CEP89: variants seen among roughly 807,000 people sequenced by gnomAD.
CEP89 encodes the protein centrosomal protein 89.
CEP89 carries 95 observed loss-of-function variants against 97.6 expected under a neutral mutation model. The ratio of observed to expected loss-of-function variants is 0.97; its 90% CI spans 0.82 to 1.15. The LOEUF (loss-of-function observed/expected upper bound fraction) is 1.15, where lower values mean the gene tolerates loss of function less well. CEP89 is among the 50% of genes most tolerant of loss of function. The probability of loss-of-function intolerance (pLI) is 0.00; values close to 1 mark genes in which losing one functional copy is unlikely to be tolerated. For missense variants in CEP89, 869 were observed against 947.7 expected (o/e 0.92, Z 1.09); for synonymous variants, 354 against 349.1 (o/e 1.01, Z -0.16).
At chr19:32,921,178 C>T (rs567126593) in intron 12 of CEP89, among the ~76,000 whole-genome samples, 56 of 150,746 alleles carry the variant, frequency 3.7e-4, no homozygotes, top group Non-Finnish European at 5.5e-4. Context: ...GTCGAGATCG[C>T]GCCACTGCAC....
chr19:32,941,922 A>T (rs1349273559), intron 5 of CEP89, among the ~76,000 whole-genome samples: 1 of 152,216 alleles, frequency 6.6e-6, no homozygotes, highest in Non-Finnish European at 1.5e-5. Context: ...AATAAGAAAA[A>T]ATATATATTT....
intron 16 of CEP89, among the ~76,000 whole-genome samples, chr19:32,888,287 T>A (rs528052477): frequency 6.6e-6 from 1 of 152,304 alleles, no homozygotes; most frequent in South Asian, 2.1e-4. Context: ...TGAAAGGCAA[T>A]ACATCCAGCA....
chr19:32,943,877 G>T (rs1970739447), intron 5 of CEP89, among the ~76,000 whole-genome samples: 1 of 152,008 alleles, frequency 6.6e-6, no homozygotes, highest in South Asian at 2.1e-4. Context: ...GGTGTGAAGG[G>T]ACGCATGTGG....
At chr19:32,903,060 AGC>A in intron 14 of CEP89, among the ~76,000 whole-genome samples, 1 of 152,192 alleles carries the variant, frequency 6.6e-6, no homozygotes, top group East Asian at 1.9e-4. Context: ...AATCCAGCTT[AGC>A]CACATGCGGT....
At chr19:32,942,849 C>CT (rs757161677) in intron 5 of CEP89, among the ~76,000 whole-genome samples, 5,173 of 136,322 alleles carry the variant, frequency 0.038, 465 homozygotes, top group African/African-American at 0.12. Flanking sequence ...CTATTCCAGT[C>CT]TTTTTTTTTT....
chr19:32,938,897 C>T (rs1201288889), intron 6 of CEP89, among the ~76,000 whole-genome samples: 1 of 152,104 alleles, frequency 6.6e-6, no homozygotes, highest in Non-Finnish European at 1.5e-5. Flanking sequence ...TTGCAGTGAG[C>T]CGAGACTGCG....
intron 6 of CEP89, among the ~76,000 whole-genome samples, chr19:32,938,737 G>A (rs1970627121): frequency 1.3e-5 from 2 of 152,094 alleles, no homozygotes; most frequent in Non-Finnish European, 2.9e-5. Flanking sequence ...ATCGCCTGAG[G>A]TCAGGAGTCT....
At chr19:32,910,091 T>A (rs1421446974) in intron 14 of CEP89, among the ~76,000 whole-genome samples, 1 of 152,114 alleles carries the variant, frequency 6.6e-6, no homozygotes, top group African/African-American at 2.4e-5. Flanking sequence ...TGAAACCCCG[T>A]CTCTACTAAA....
In CEP89 at chr19:32,939,991, A is replaced by G. The variant is rs796191530; in HGVS notation, c.596-106T>C. On this transcript the variant is annotated intron_variant, in intron 5 of 18. Coordinates refer to ENST00000305768, the MANE Select transcript of CEP89 (RefSeq NM_032816.5). The stretch of plus-strand genomic sequence containing the variant: ...TTCACCTTCTACAGAGGAGCTCGAC[A>G]AGGCCCAGAACAGGGATAAAATTCA... 10 of 582,088 alleles carry G rather than the reference A, an allele frequency of 1.7e-5. No homozygotes were observed. In the African/African-American group the frequency reaches 1.9e-4, roughly 11 times the overall value. 36.1% of individuals were successfully genotyped at this position (582,088 alleles called of 1,614,324 possible). A position where few individuals can be genotyped will look rare whatever the true frequency, so the allele number is the denominator to read the frequency against.
At chr19:32,968,246 GTTTT>G (rs1175104566) in intron 1 of CEP89, among the ~76,000 whole-genome samples, 2 of 152,260 alleles carry the variant, frequency 1.3e-5, no homozygotes, top group East Asian at 3.9e-4. Context: ...ACAAGAAATG[GTTTT>G]TGTTTGTTTG....
At position 32,933,654 on chromosome 19, in the gene CEP89, G is replaced by A. The variant is rs1292728707; in HGVS notation, c.683C>T (p.Ala228Val). The change falls in exon 8 of 19, where the codon GCA becomes GTA. Residue 228 changes from alanine (A) to valine (V), a missense_variant. Transcript: ENST00000305768. ...GGTTATTTCTGTATATCTTTGACGTGCTCTACCAGTTATATCTGAAAGGGT... is the reference window on the plus strand; with the variant it reads ...GGTTATTTCTGTATATCTTTGACGTACTCTACCAGTTATATCTGAAAGGGT... ...PPPSPDITGR[A>V]RQRYTEITRE... The A allele has an allele frequency of 3.1e-6, 5 of 1,607,394 alleles. No individual in the cohort carries two copies. Among genetic ancestry groups the A allele is most frequent in the Non-Finnish European group, 4.3e-6 (5 of 1,174,540 alleles).
chr19:32,955,096 T>C (rs950045093), intron 3 of CEP89, among the ~76,000 whole-genome samples: 5 of 152,084 alleles, frequency 3.3e-5, no homozygotes, highest in African/African-American at 1.2e-4. Context: ...GTGATCCTCC[T>C]ACCTCAGCCT....
intron 14 of CEP89, among the ~76,000 whole-genome samples, chr19:32,902,046 A>G (rs7258014): frequency 0.013 from 752 of 58,260 alleles, 2 homozygotes; most frequent in African/African-American, 0.03. Flanking sequence ...GTGTGTGTGT[A>G]TGTGTGTGTA....
chr19:32,953,844 T>A (rs781566565), intron 3 of CEP89, 43 bp from the exon 4 acceptor site: 2 of 1,320,802 alleles, frequency 1.5e-6, no homozygotes, highest in Non-Finnish European at 2.2e-6. Flanking sequence ...AAAAGTCACT[T>A]AACACTTGAC....
chr19:32,948,428 A>G (rs1970843947), intron 4 of CEP89, 60 bp from the exon 5 acceptor site: 1 of 968,950 alleles, frequency 1.0e-6, no homozygotes, highest in Non-Finnish European at 1.6e-6. Flanking sequence ...TATATACAGC[A>G]TGTCCTCCTA....
chr19:32,948,143 C>T, intron 5 of CEP89, 123 bp downstream of exon 5: 1 of 556,262 alleles, frequency 1.8e-6, no homozygotes, highest in East Asian at 2.9e-5. Context: ...CAATTATATT[C>T]CTAGTTAAAA....
chr19:32,897,771 A>G (rs182759496), intron 16 of CEP89, among the ~76,000 whole-genome samples: 2 of 152,076 alleles, frequency 1.3e-5, no homozygotes, highest in Non-Finnish European at 2.9e-5. Context: ...TATCTTGCCC[A>G]TGCTGGTCTC....
chr19:32,953,480 G>A (rs1290517226), intron 4 of CEP89, 135 bp downstream of exon 4: 18 of 652,840 alleles, frequency 2.8e-5, no homozygotes, highest in Admixed American at 2.7e-4. Flanking sequence ...GGCTGGACAC[G>A]TTTAAAAAAA....
intron 5 of CEP89, among the ~76,000 whole-genome samples, chr19:32,946,585 A>G (rs1478913331): frequency 6.6e-6 from 1 of 152,180 alleles, no homozygotes; most frequent in East Asian, 1.9e-4. Context: ...CCCCACTCAC[A>G]TCTCATCTTG....
Sources: gnomAD v4.1 joint callset for allele counts (sites outside exome capture counted in the v4.1 genomes callset) on GRCh38, gnomAD v4.1.1 for gene constraint, MANE v1.5 for transcripts, NCBI Gene and HGNC (gene_info 2026-07-23, HGNC 2026-07-21) for gene names.